CACUL1: variants seen among roughly 807,000 people sequenced by gnomAD.
The protein encoded by CACUL1 is CDK2 associated cullin domain 1, also known as CDK2-associated and cullin domain-containing protein 1.
CACUL1 carries 13 observed loss-of-function variants against 45.2 expected under a neutral mutation model. That is an observed-to-expected ratio of 0.29 (90% confidence interval 0.19 to 0.46). The LOEUF is 0.46. Ranked by LOEUF, CACUL1 falls within the 20% of genes least tolerant of loss-of-function variation. The probability of loss-of-function intolerance (pLI) is 1.00; values close to 1 mark genes in which losing one functional copy is unlikely to be tolerated. For synonymous variants in CACUL1, 197 were observed against 174.2 expected (o/e 1.13, Z -1.03); for missense variants, 421 against 471.4 (o/e 0.89, Z 0.99).
chr10:118,701,220 C>G (rs184671843), intron 5 of CACUL1, 86 bp downstream of exon 5: 10 of 679,366 alleles, frequency 1.5e-5, no homozygotes, highest in Admixed American at 8.2e-5. Flanking sequence ...TTGGGGTTTA[C>G]GTGACAATGC....
chr10:118,720,796 T>C (rs1845592860), intron 3 of CACUL1, among the ~76,000 whole-genome samples: 1 of 152,230 alleles, frequency 6.6e-6, no homozygotes, highest in Non-Finnish European at 1.5e-5. Context: ...CAAAGGAAGA[T>C]AGTAAACTTA....
At chr10:118,699,733 A>C (rs1230285000) in intron 5 of CACUL1, among the ~76,000 whole-genome samples, 1 of 151,820 alleles carries the variant, frequency 6.6e-6, no homozygotes. Flanking sequence ...CAAGCTCCGC[A>C]TCCCGGGTTC....
chr10:118,719,849 C>A (rs1179780314), intron 3 of CACUL1, among the ~76,000 whole-genome samples: 2 of 151,006 alleles, frequency 1.3e-5, no homozygotes, highest in Admixed American at 6.6e-5. Context: ...AATAGACAAA[C>A]ATATCTGACA....
chr10:118,707,684 C>T, intron 3 of CACUL1, 97 bp from the exon 4 acceptor site: 1 of 463,438 alleles, frequency 2.2e-6, no homozygotes, highest in Non-Finnish European at 3.7e-6. Flanking sequence ...AAAATTCATA[C>T]TGAGATTCAC....
intron 3 of CACUL1, among the ~76,000 whole-genome samples, chr10:118,718,574 T>C (rs1197865940): frequency 6.6e-6 from 1 of 152,138 alleles, no homozygotes; most frequent in Non-Finnish European, 1.5e-5. Context: ...TTTTATTTTA[T>C]TTATTATTCT....
intron 4 of CACUL1, among the ~76,000 whole-genome samples, chr10:118,707,217 T>G (rs575159638): frequency 2.6e-5 from 4 of 152,340 alleles, no homozygotes; most frequent in Non-Finnish European, 4.4e-5. Context: ...GCCTTCCACA[T>G]AGCAGAAATA....
intron 1 of CACUL1, among the ~76,000 whole-genome samples, chr10:118,732,001 AAACAT>A: frequency 6.6e-6 from 1 of 152,246 alleles, no homozygotes; most frequent in Non-Finnish European, 1.5e-5. Flanking sequence ...GCACGTGCGC[AAACAT>A]AACAGTAGGA....
intron 1 of CACUL1, among the ~76,000 whole-genome samples, chr10:118,737,245 CT>C (rs1845748721): frequency 6.6e-6 from 1 of 151,496 alleles, no homozygotes; most frequent in Non-Finnish European, 1.5e-5. Context: ...AAGTTGTGTG[CT>C]TTAGGTATTT....
chr10:118,720,588 C>G (rs1054644098), intron 3 of CACUL1, among the ~76,000 whole-genome samples: 2 of 152,222 alleles, frequency 1.3e-5, no homozygotes, highest in Non-Finnish European at 2.9e-5. Flanking sequence ...TGATTTTACT[C>G]TCCTGCTCAT....
intron 1 of CACUL1, among the ~76,000 whole-genome samples, chr10:118,743,794 T>G (rs1427784529): frequency 6.6e-6 from 1 of 151,350 alleles, no homozygotes; most frequent in Non-Finnish European, 1.5e-5. Flanking sequence ...AAAGTATTTA[T>G]AGAAGAAAAA....
intron 1 of CACUL1, among the ~76,000 whole-genome samples, chr10:118,732,965 G>C (rs971968521): frequency 3.9e-5 from 6 of 152,164 alleles, no homozygotes; most frequent in African/African-American, 1.4e-4. Flanking sequence ...ACCGAAAGTT[G>C]AGAGTTGAAG....
intron 3 of CACUL1, among the ~76,000 whole-genome samples, chr10:118,727,412 A>AC (rs1471860610): frequency 1.3e-4 from 20 of 151,428 alleles, no homozygotes; most frequent in Non-Finnish European, 2.7e-4. Flanking sequence ...TTAAAAAAAA[A>AC]AAAAACACTA....
In CACUL1 at chr10:118,754,505, C is replaced by T. The variant is rs1259978297; in HGVS notation, c.258G>A (p.Gly86=). Residue 86 remains glycine (G), a synonymous_variant, in exon 1 of 9, where the codon GGG becomes GGA. Transcript: ENST00000369151. The part of the protein sequence containing the change: ...MGPQPPPEAN[G]VIMMLKSCDA... ...CGCAGCTCTTCAACATCATGATCAC[C>T]CCATTAGCCTCCGGCGGTGGCTGCG... The T allele has an allele frequency of 6.2e-7, 1 of 1,613,358 alleles. No individual in the cohort carries two copies. Among genetic ancestry groups the T allele is most frequent in the Non-Finnish European group, 8.5e-7 (1 of 1,179,670 alleles).
chr10:118,684,456 T>C lies in CACUL1; in HGVS notation c.*1672A>G, dbSNP rs1348928476. 2 of 152,256 alleles carry C rather than the reference T, an allele frequency of 1.3e-5. No homozygotes were observed. Among genetic ancestry groups the C allele is most frequent in the Non-Finnish European group, 2.9e-5 (2 of 68,036 alleles). 9.4% of individuals were successfully genotyped at this position (152,256 alleles called of 1,614,324 possible). A position where few individuals can be genotyped will look rare whatever the true frequency, so the allele number is the denominator to read the frequency against. On this transcript the variant is annotated 3_prime_UTR_variant, in exon 9 of 9. Coordinates refer to ENST00000369151, the MANE Select transcript of CACUL1 (RefSeq NM_153810.5). ...CCAGGTCATAGTGAGAGCCTGTCTATGTTCTTACAGTAATTCAGTGTTCAT... is the reference window on the plus strand; with the variant it reads ...CCAGGTCATAGTGAGAGCCTGTCTACGTTCTTACAGTAATTCAGTGTTCAT...
chr10:118,748,716 C>G (rs1392685129), intron 1 of CACUL1, among the ~76,000 whole-genome samples: 1 of 152,088 alleles, frequency 6.6e-6, no homozygotes, highest in Non-Finnish European at 1.5e-5. Flanking sequence ...CGAAAAAAAT[C>G]TGAAATCCAA....
intron 4 of CACUL1, 29 bp downstream of exon 4, chr10:118,707,463 T>C (rs1379245435): frequency 9.7e-7 from 1 of 1,028,712 alleles, no homozygotes. Flanking sequence ...ACCTAGGTAT[T>C]TGGGAAGGAG....
chr10:118,732,854 T>G (rs910243275), intron 1 of CACUL1, among the ~76,000 whole-genome samples: 5 of 152,196 alleles, frequency 3.3e-5, no homozygotes, highest in African/African-American at 1.2e-4. Context: ...TCCTTAGGAT[T>G]CAAAGAAAAC....
intron 3 of CACUL1, among the ~76,000 whole-genome samples, chr10:118,725,101 G>C (rs1243628478): frequency 6.6e-6 from 1 of 152,114 alleles, no homozygotes; most frequent in Non-Finnish European, 1.5e-5. Context: ...GAAAATACCA[G>C]AATTGGAAAT....
At chr10:118,715,115 T>C (rs1486160873) in intron 3 of CACUL1, among the ~76,000 whole-genome samples, 1 of 152,198 alleles carries the variant, frequency 6.6e-6, no homozygotes, top group Non-Finnish European at 1.5e-5. Flanking sequence ...TTAAAAAAGG[T>C]AGAACTAGAT....
Sources: allele counts gnomAD v4.1 joint callset (sites outside exome capture counted in the v4.1 genomes callset), GRCh38; gene constraint gnomAD v4.1.1; transcripts MANE v1.5; gene names NCBI Gene and HGNC (gene_info 2026-07-23, HGNC 2026-07-21).